Variants in PTPRS observed in about 807,000 individuals in gnomAD.
The protein encoded by PTPRS is protein tyrosine phosphatase receptor type S.
A neutral mutation model predicts 215.3 loss-of-function variants in PTPRS; 63 were observed. The observed-to-expected ratio is 0.29, with a 90% CI of 0.24 to 0.36. The LOEUF (loss-of-function observed/expected upper bound fraction) is 0.36, where lower values mean the gene tolerates loss of function less well. Among genes scored for constraint, PTPRS ranks in the 10% least tolerant of loss-of-function variants. The pLI is 1.00. For missense variants in PTPRS, 2,258 were observed against 2,825.8 expected (o/e 0.80, Z 4.56); for synonymous variants, 1,404 against 1,191.4 (o/e 1.18, Z -3.68).
In PTPRS at chr19:5,287,939, TCACA is replaced by T. The variant is rs965611405; in HGVS notation, c.-94-1709_-94-1706del. The stretch of plus-strand genomic sequence containing the variant: ...GCAAGAGACACAGAAACAAATGCAT[TCACA>T]CAGTCAGGCAGCAGAGACGGGCACA... On this transcript the variant is annotated intron_variant, in intron 1 of 37. Transcript: ENST00000262963. The surrounding 1 kb of genome is among the most constrained non-coding windows in gnomAD (Gnocchi z 4.8). Among the ~76,000 whole-genome samples, 2 of 123,976 alleles carry T rather than the reference TCACA, an allele frequency of 1.6e-5. No homozygotes were observed. The highest frequency in any genetic ancestry group is 6.2e-5 in the African/African-American group (2 of 32,258). The allele number at this position is 123,976 out of a possible 152,430, so 81.3% of individuals were successfully genotyped here.
intron 13 of PTPRS, among the ~76,000 whole-genome samples, 196 bp downstream of exon 13, chr19:5,238,723 C>T (rs1186541619): frequency 6.6e-6 from 1 of 152,210 alleles, no homozygotes; most frequent in African/African-American, 2.4e-5. Context: ...CATGCTGAGA[C>T]CCTCGCTGTG....
chr19:5,211,492 G>A (rs2040880380), intron 33 of PTPRS, 98 bp downstream of exon 33: 1 of 1,270,200 alleles, frequency 7.9e-7, no homozygotes, highest in Non-Finnish European at 1.1e-6. Context: ...AGGGCTACCA[G>A]TATCTCCCCA....
chr19:5,328,245 T>C (rs2050222735), intron 1 of PTPRS, among the ~76,000 whole-genome samples: 1 of 152,088 alleles, frequency 6.6e-6, no homozygotes, highest in Admixed American at 6.6e-5. Flanking sequence ...ACCTCCTGAG[T>C]AGCTGGGATT....
intron 18 of PTPRS, 80 bp downstream of exon 18, chr19:5,222,609 C>T: frequency 8.5e-7 from 1 of 1,178,236 alleles, no homozygotes; most frequent in Non-Finnish European, 1.1e-6. Context: ...CTTACCTGGG[C>T]AGGGGAGAGG....
rs980656043 is a variant in PTPRS, at chr19:5,293,766, A to G, written c.-94-7532T>C. On this transcript the variant is annotated intron_variant, in intron 1 of 37. Transcript: ENST00000262963. The surrounding 1 kb of genome is among the most constrained non-coding windows in gnomAD (Gnocchi z 8.4). ...GAGGGTAGGGGAGAGGTGCGGGCGC[A>G]GAGGCTTCCCTCCCGCTGGGGGTCC... 6.1e-4 allele frequency among the ~76,000 whole-genome samples: 93 copies of G among 152,230 alleles called. 1 individual carries two copies. Among genetic ancestry groups the G allele is most frequent in the African/African-American group, 2.1e-3 (88 of 41,562 alleles).
intron 1 of PTPRS, among the ~76,000 whole-genome samples, chr19:5,315,351 GTTTTTTTTTTTTT>G (rs952833168): frequency 3.8e-5 from 3 of 79,798 alleles, no homozygotes; most frequent in East Asian, 4.0e-4. Context: ...TTTGAAAAGG[GTTTTTTTTTTTTT>G]TTTTTTTTTT....
At chr19:5,330,900 G>C (rs536964075) in intron 1 of PTPRS, among the ~76,000 whole-genome samples, 17 of 152,254 alleles carry the variant, frequency 1.1e-4, no homozygotes, top group African/African-American at 4.1e-4. Flanking sequence ...AACCCCGGCA[G>C]TTCACACTCT....
chr19:5,223,734 G>T (rs1309390641), intron 17 of PTPRS, among the ~76,000 whole-genome samples: 1 of 150,976 alleles, frequency 6.6e-6, no homozygotes, highest in Non-Finnish European at 1.5e-5. Flanking sequence ...GGGTAATTTT[G>T]TATTTTTAGT....
chr19:5,282,690 C>T (rs2047961076), intron 2 of PTPRS, among the ~76,000 whole-genome samples: 1 of 151,832 alleles, frequency 6.6e-6, no homozygotes, highest in African/African-American at 2.4e-5. Context: ...GTAATCCCAG[C>T]TACTTGGAGG....
chr19:5,333,592 C>T (rs889611355), intron 1 of PTPRS, among the ~76,000 whole-genome samples: 7 of 152,062 alleles, frequency 4.6e-5, no homozygotes, highest in Admixed American at 6.5e-5. Flanking sequence ...GTCAACTCTT[C>T]TCTTCTTGTT....
intron 1 of PTPRS, among the ~76,000 whole-genome samples, chr19:5,329,766 T>TAA (rs112162372): frequency 8.4e-6 from 1 of 118,970 alleles, no homozygotes; most frequent in Non-Finnish European, 1.8e-5. Context: ...CTCCATCTCC[T>TAA]AAAAAAAAAA....
At chr19:5,283,272 C>A (rs972574178) in intron 2 of PTPRS, among the ~76,000 whole-genome samples, 7 of 49,634 alleles carry the variant, frequency 1.4e-4, no homozygotes, top group African/African-American at 4.9e-4. Context: ...CCAGCACTTT[C>A]TCCTGTCACC....
rs760284910 is a variant in PTPRS at position 5,286,182 on chromosome 19, C to T, written c.-42G>A. 6.2e-7 allele frequency: 1 copy of T among 1,600,022 alleles called. No individual in the cohort carries two copies. Among genetic ancestry groups the T allele is most frequent in the Non-Finnish European group, 8.5e-7 (1 of 1,172,486 alleles). ...CGATCTCCGCCCTGGAGGGGGATGG[C>T]CCCCCGGTCCCTCACAGAGAGGCCT... On this transcript the variant is annotated 5_prime_UTR_variant, in exon 2 of 38. Coordinates refer to ENST00000262963, the MANE Select transcript of PTPRS (RefSeq NM_002850.4).
intron 1 of PTPRS, among the ~76,000 whole-genome samples, chr19:5,298,898 C>T (rs965300857): frequency 6.6e-6 from 1 of 152,206 alleles, no homozygotes; most frequent in Non-Finnish European, 1.5e-5. Context: ...AACCTGGAAG[C>T]TGGCCCTCAC....
chr19:5,258,155 C>T, intron 7 of PTPRS, 28 bp from the exon 8 acceptor site: 1 of 1,588,274 alleles, frequency 6.3e-7, no homozygotes, highest in African/African-American at 1.3e-5. Flanking sequence ...AAAGCTTGGT[C>T]TGTTAGAGGG....
intron 11 of PTPRS, among the ~76,000 whole-genome samples, chr19:5,242,461 G>A (rs992695967): frequency 2.7e-5 from 4 of 148,404 alleles, no homozygotes; most frequent in African/African-American, 5.0e-5. Context: ...ACCGCCTCCC[G>A]AGTTCAAGTG....
chr19:5,316,777 C>T (rs570599108), intron 1 of PTPRS, among the ~76,000 whole-genome samples: 46 of 152,228 alleles, frequency 3.0e-4, no homozygotes, highest in Non-Finnish European at 5.4e-4. Context: ...GATCCACCTG[C>T]CTCAGTCTCC....
Position 5,216,741 on chromosome 19 carries a change from C to CCCTGAGGGGGCT in PTPRS, c.4063_4074dup (p.Ser1355_Arg1358dup). 6.3e-7 allele frequency: 1 copy of CCCTGAGGGGGCT among 1,578,350 alleles called. No individual in the cohort carries two copies. The highest frequency in any genetic ancestry group is 8.6e-7 in the Non-Finnish European group (1 of 1,161,276). ...TAACTTTCAAAGTGAAACCCCGGCTCCCTGAGGGGGCTCCTGAGGCCTGAA... is the reference window on the plus strand; with the variant it reads ...TAACTTTCAAAGTGAAACCCCGGCTCCCTGAGGGGGCTCCTGAGGGGGCTCCTGAGGCCTGAA... On this transcript the variant is annotated inframe_insertion, in exon 26 of 38. Coordinates refer to ENST00000262963, the MANE Select transcript of PTPRS (RefSeq NM_002850.4).
intron 1 of PTPRS, among the ~76,000 whole-genome samples, chr19:5,303,396 T>G (rs2049365121): frequency 6.6e-6 from 1 of 152,062 alleles, no homozygotes; most frequent in Admixed American, 6.6e-5. Context: ...CAGCTGAAAC[T>G]CCAGCACCTA....
Sources: allele counts gnomAD v4.1 joint callset (sites outside exome capture counted in the v4.1 genomes callset), GRCh38; gene constraint gnomAD v4.1.1; non-coding constraint Gnocchi (gnomAD v3.1); transcripts MANE v1.5; gene names NCBI Gene and HGNC (gene_info 2026-07-23, HGNC 2026-07-21).